The following RERG variants were observed in gnomAD, a reference collection of about 807,000 sequenced individuals.
RERG encodes the protein ras-related and estrogen-regulated growth inhibitor.
In RERG, 25 loss-of-function variants were observed where a neutral mutation model predicts 23.2. The ratio of observed to expected loss-of-function variants is 1.08; its 90% CI spans 0.79 to 1.50. The LOEUF (loss-of-function observed/expected upper bound fraction) is 1.50, where lower values mean the gene tolerates loss of function less well. Among genes scored for constraint, RERG ranks in the 40% most tolerant of loss-of-function variants. The pLI, the probability that RERG is intolerant of heterozygous loss-of-function variation, is 0.00. For missense variants in RERG, 253 were observed against 250.1 expected (o/e 1.01, Z -0.08); for synonymous variants, 81 against 89.1 (o/e 0.91, Z 0.51).
rs1190918106 is a variant in RERG at position 15,133,029 on chromosome 12, C to T, written c.62-11910G>A. On this transcript the variant is annotated intron_variant, in intron 2 of 4. Transcript: ENST00000256953. ...CCTCCCCCATTATTCATATCCCACA[C>T]TAGTGTGGTAACTTTTTTTTTTTTT... is the stretch of plus-strand genomic sequence containing the variant. 4.3e-5 allele frequency among the ~76,000 whole-genome samples: 6 copies of T among 140,590 alleles called. No individual in the cohort carries two copies. The South Asian group carries it at 1.4e-3, about 32-fold the overall frequency. 92.2% of individuals were successfully genotyped at this position (140,590 alleles called of 152,430 possible). A position where few individuals can be genotyped will look rare whatever the true frequency, so the allele number is the denominator to read the frequency against.
At chr12:15,121,195 G>A (rs1037159582) in intron 2 of RERG, 76 bp from the exon 3 acceptor site, 43 of 1,066,872 alleles carry the variant, frequency 4.0e-5, no homozygotes, top group East Asian at 2.3e-4. Flanking sequence ...TAAGGAAAGC[G>A]AAATGCTCCA....
intron 2 of RERG, among the ~76,000 whole-genome samples, chr12:15,143,676 T>C (rs975683751): frequency 2.6e-5 from 4 of 152,188 alleles, no homozygotes; most frequent in African/African-American, 9.7e-5. Context: ...TCAAGCTTCA[T>C]GGTCCTTAGA....
intron 2 of RERG, among the ~76,000 whole-genome samples, chr12:15,200,214 G>A (rs758249431): frequency 1.3e-5 from 2 of 151,984 alleles, no homozygotes; most frequent in Non-Finnish European, 2.9e-5. Flanking sequence ...ATTTACAAGA[G>A]CTCGTGTTTT....
chr12:15,171,947 G>A (rs1402431507), intron 2 of RERG, among the ~76,000 whole-genome samples: 1 of 151,990 alleles, frequency 6.6e-6, no homozygotes, highest in Non-Finnish European at 1.5e-5. Context: ...ATTCTTTAAA[G>A]CTACATACAG....
intron 3 of RERG, among the ~76,000 whole-genome samples, chr12:15,113,959 A>C (rs1863671250): frequency 6.6e-6 from 1 of 152,066 alleles, no homozygotes. Context: ...CAAGGCCTTA[A>C]CAATAGACTC....
At chr12:15,189,456 C>A (rs957730513) in intron 2 of RERG, among the ~76,000 whole-genome samples, 2 of 152,164 alleles carry the variant, frequency 1.3e-5, no homozygotes, top group Admixed American at 6.6e-5. Flanking sequence ...TGCTTAAATG[C>A]AATCTTCTCG....
intron 2 of RERG, among the ~76,000 whole-genome samples, chr12:15,188,186 A>G (rs1484385089): frequency 1.3e-5 from 2 of 152,100 alleles, no homozygotes; most frequent in African/African-American, 4.8e-5. Context: ...CACCAGTCCA[A>G]TGTTCATGTA....
At chr12:15,168,498 C>T (rs1864728760) in intron 2 of RERG, among the ~76,000 whole-genome samples, 1 of 152,192 alleles carries the variant, frequency 6.6e-6, no homozygotes, top group African/African-American at 2.4e-5. Context: ...AATGAGATAA[C>T]ACAAGTGAGA....
intron 1 of RERG, among the ~76,000 whole-genome samples, chr12:15,218,341 T>C (rs973730123): frequency 2.0e-5 from 3 of 152,148 alleles, no homozygotes; most frequent in African/African-American, 7.2e-5. Flanking sequence ...TTATTTAGTT[T>C]GGTGCTTTAG....
intron 1 of RERG, among the ~76,000 whole-genome samples, chr12:15,218,266 GT>G (rs1865470190): frequency 6.6e-6 from 1 of 152,158 alleles, no homozygotes; most frequent in African/African-American, 2.4e-5. Context: ...ATGACTTCAA[GT>G]AAATTTGTTT....
At chr12:15,153,171 T>C (rs1356024895) in intron 2 of RERG, among the ~76,000 whole-genome samples, 1 of 152,214 alleles carries the variant, frequency 6.6e-6, no homozygotes, top group East Asian at 1.9e-4. Context: ...TCAGTGTTTT[T>C]CCAGCTTTTC....
chr12:15,149,788 T>C (rs4763418), intron 2 of RERG, among the ~76,000 whole-genome samples: 93,264 of 152,094 alleles, frequency 0.61, 29,384 homozygotes, highest in Admixed American at 0.73. Context: ...GATTTAGAAA[T>C]GGTAGAAAAT....
At chr12:15,208,483 C>G (rs924415299) in intron 2 of RERG, among the ~76,000 whole-genome samples, 4 of 152,108 alleles carry the variant, frequency 2.6e-5, no homozygotes, top group African/African-American at 9.7e-5. Context: ...ACAACATAGT[C>G]TAATTCAAAT....
chr12:15,190,694 T>TG (rs1195938545), intron 2 of RERG, among the ~76,000 whole-genome samples: 2 of 151,962 alleles, frequency 1.3e-5, no homozygotes, highest in Non-Finnish European at 2.9e-5. Context: ...GAGCCAAAGA[T>TG]GGGAAATACA....
chr12:15,144,314 G>A (rs1175322453), intron 2 of RERG, among the ~76,000 whole-genome samples: 1 of 152,088 alleles, frequency 6.6e-6, no homozygotes, highest in Non-Finnish European at 1.5e-5. Context: ...CAGAAATTCA[G>A]GAAAGAGATA....
chr12:15,208,397 C>G (rs1408551060), intron 2 of RERG, among the ~76,000 whole-genome samples: 1 of 152,084 alleles, frequency 6.6e-6, no homozygotes, highest in South Asian at 2.1e-4. Flanking sequence ...GCAAGGAAAC[C>G]ACTTTGGTCA....
chr12:15,164,652 G>A (rs1235409798), intron 2 of RERG, among the ~76,000 whole-genome samples: 1 of 152,138 alleles, frequency 6.6e-6, no homozygotes, highest in Admixed American at 6.5e-5. Context: ...TATAGACTTT[G>A]TCTTAGGGGG....
chr12:15,204,066 C>T (rs1008748750), intron 2 of RERG, among the ~76,000 whole-genome samples: 3 of 151,400 alleles, frequency 2.0e-5, no homozygotes, highest in South Asian at 2.1e-4. Flanking sequence ...AAATAGAAAA[C>T]GTAATTCTAA....
At chr12:15,191,963 C>A (rs1328793438) in intron 2 of RERG, among the ~76,000 whole-genome samples, 1 of 152,012 alleles carries the variant, frequency 6.6e-6, no homozygotes, top group Non-Finnish European at 1.5e-5. Context: ...TGAACAAATG[C>A]CAAGTATCAT....
Sources: allele counts gnomAD v4.1 joint callset (sites outside exome capture counted in the v4.1 genomes callset), GRCh38; gene constraint gnomAD v4.1.1; transcripts MANE v1.5; gene names NCBI Gene and HGNC (gene_info 2026-07-23, HGNC 2026-07-21).